Variants in CYP7B1 observed in about 807,000 individuals in gnomAD.
CYP7B1 encodes cytochrome P450 family 7 subfamily B member 1, also known as cytochrome P450 7B1.
In CYP7B1, 29 loss-of-function variants were observed where a neutral mutation model predicts 42.7. The observed-to-expected ratio is 0.68, with a 90% CI of 0.51 to 0.93. The LOEUF is 0.93. Ranked by LOEUF, CYP7B1 falls within the 40% of genes least tolerant of loss-of-function variation. CYP7B1 has a pLI of 0.00. For synonymous variants in CYP7B1, 235 were observed against 218.2 expected (o/e 1.08, Z -0.68); for missense variants, 655 against 600.5 (o/e 1.09, Z -0.95).
Position 64,763,422 on chromosome 8 carries a change from C to T in CYP7B1, c.122+35044G>A, listed in dbSNP as rs114958276. Among the ~76,000 whole-genome samples, 524 of 152,330 alleles carry T rather than the reference C, an allele frequency of 3.4e-3. 6 individuals are homozygous for T. The highest frequency in any genetic ancestry group is 0.011 in the African/African-American group (476 of 41,586). On this transcript the variant is annotated intron_variant, in intron 1 of 5. Coordinates refer to ENST00000310193, the MANE Select transcript of CYP7B1 (RefSeq NM_004820.5). ...CACCATCTTGGGAGCAGCCCGCCACCGTCTTGGGAACTCTAACAACAAAGA... is the reference window on the plus strand; with the variant it reads ...CACCATCTTGGGAGCAGCCCGCCACTGTCTTGGGAACTCTAACAACAAAGA...
intron 5 of CYP7B1, among the ~76,000 whole-genome samples, chr8:64,601,600 A>C (rs1228119654): frequency 6.6e-6 from 1 of 152,250 alleles, no homozygotes; most frequent in African/African-American, 2.4e-5. Context: ...ATATTCAGGG[A>C]AATAATAATT....
At chr8:64,586,862 T>C (rs1343402828), downstream of CYP7B1, among the ~76,000 whole-genome samples, 4 of 152,250 alleles carry the variant, frequency 2.6e-5, no homozygotes, top group Non-Finnish European at 5.9e-5. Flanking sequence ...GTCTCTGGAT[T>C]TGCCAAGCCA....
chr8:64,726,432 T>C (rs907754645), intron 1 of CYP7B1, among the ~76,000 whole-genome samples: 4 of 152,166 alleles, frequency 2.6e-5, no homozygotes, highest in Non-Finnish European at 5.9e-5. Context: ...CAAAAAGTAG[T>C]TTGAATCTCA....
At chr8:64,739,387 A>G (rs1807536653) in intron 1 of CYP7B1, among the ~76,000 whole-genome samples, 1 of 152,232 alleles carries the variant, frequency 6.6e-6, no homozygotes, top group South Asian at 2.1e-4. Flanking sequence ...ATTCCTAGCG[A>G]AGCTCAAGGA....
At chr8:64,795,295 G>A (rs1804687721) in intron 1 of CYP7B1, among the ~76,000 whole-genome samples, 2 of 152,220 alleles carry the variant, frequency 1.3e-5, no homozygotes, top group Non-Finnish European at 2.9e-5. Context: ...AACTCGGGTA[G>A]GAACTGACTA....
chr8:64,726,997 G>T (rs551679520), intron 1 of CYP7B1, among the ~76,000 whole-genome samples: 1 of 152,220 alleles, frequency 6.6e-6, no homozygotes, highest in East Asian at 1.9e-4. Flanking sequence ...AATGAGTATG[G>T]GATGAAGGAG....
In CYP7B1 at chr8:64,624,622, T is replaced by C. The variant is rs1041291035; in HGVS notation, c.123-83A>G. 6.0e-6 allele frequency: 9 copies of C among 1,508,632 alleles called. No individual in the cohort carries two copies. In the African/African-American group the frequency reaches 1.1e-4, roughly 19 times the overall value. The allele number at this position is 1,508,632 out of a possible 1,614,324, so 93.5% of individuals were successfully genotyped here. A position where few individuals can be genotyped will look rare whatever the true frequency, so the allele number is the denominator to read the frequency against. On this transcript the variant is annotated intron_variant, in intron 1 of 5. Transcript: ENST00000310193. ...GAATACAGGTGGTTTATTTACTGAATCTAGAAGGTGACTGCATGGATTGCA... is the reference window on the plus strand; with the variant it reads ...GAATACAGGTGGTTTATTTACTGAACCTAGAAGGTGACTGCATGGATTGCA...
intron 1 of CYP7B1, among the ~76,000 whole-genome samples, chr8:64,724,393 C>A (rs1007537214): frequency 1.3e-5 from 2 of 152,074 alleles, no homozygotes; most frequent in Non-Finnish European, 2.9e-5. Flanking sequence ...GTGATCCACC[C>A]GCCTCAGCCT....
intron 1 of CYP7B1, among the ~76,000 whole-genome samples, chr8:64,643,120 C>CAT (rs1554527629): frequency 1.2e-4 from 4 of 32,212 alleles, no homozygotes; most frequent in Non-Finnish European, 2.9e-4. Flanking sequence ...CATATATATA[C>CAT]ATATATACAT....
chr8:64,670,100 GA>G (rs1225384208), intron 1 of CYP7B1, among the ~76,000 whole-genome samples: 8 of 152,204 alleles, frequency 5.3e-5, no homozygotes, highest in African/African-American at 1.4e-4. Flanking sequence ...CCTAGTGGCA[GA>G]ACTCAGAGAA....
chr8:64,727,014 C>T (rs1807334939), intron 1 of CYP7B1, among the ~76,000 whole-genome samples: 1 of 152,112 alleles, frequency 6.6e-6, no homozygotes, highest in South Asian at 2.1e-4. Flanking sequence ...GGAGCATGAA[C>T]CTGCAACACA....
intron 1 of CYP7B1, among the ~76,000 whole-genome samples, chr8:64,713,546 AAG>A (rs1047210315): frequency 6.6e-6 from 1 of 152,156 alleles, no homozygotes; most frequent in Non-Finnish European, 1.5e-5. Context: ...TGAAAATATT[AAG>A]AGATGAAAAA....
intron 1 of CYP7B1, among the ~76,000 whole-genome samples, chr8:64,698,781 A>C (rs1262090483): frequency 6.6e-6 from 1 of 152,176 alleles, no homozygotes; most frequent in African/African-American, 2.4e-5. Flanking sequence ...GTTTTCATTA[A>C]AAAGAATGAC....
chr8:64,786,681 G>T (rs942705670), intron 1 of CYP7B1, among the ~76,000 whole-genome samples: 11 of 152,190 alleles, frequency 7.2e-5, no homozygotes, highest in Admixed American at 6.5e-5. Flanking sequence ...GGGGTCTGGA[G>T]GATGGTGGCC....
At chr8:64,665,473 G>A (rs975996934) in intron 1 of CYP7B1, among the ~76,000 whole-genome samples, 2 of 150,504 alleles carry the variant, frequency 1.3e-5, no homozygotes, top group Non-Finnish European at 3.0e-5. Flanking sequence ...ACATAAACTA[G>A]GCAAACTAAG....
chr8:64,681,102 G>T (rs918995209), intron 1 of CYP7B1, among the ~76,000 whole-genome samples: 1 of 152,182 alleles, frequency 6.6e-6, no homozygotes, highest in Non-Finnish European at 1.5e-5. Context: ...GTTTTAAAAT[G>T]TTTGTGGATG....
rs531944931 is a variant in CYP7B1 at position 64,709,772 on chromosome 8, C to T, written c.123-85233G>A. 4.6e-4 allele frequency among the ~76,000 whole-genome samples: 70 copies of T among 152,174 alleles called. 1 individual carries two copies. In the South Asian group the frequency reaches 0.014, roughly 31 times the overall value. On this transcript the variant is annotated intron_variant, in intron 1 of 5. Transcript: ENST00000310193. ...CAAAGGAGGAAAAAGAAAAAGAAAACATCAACTTACAAAGTACTCTCCCAG... is the reference window on the plus strand; with the variant it reads ...CAAAGGAGGAAAAAGAAAAAGAAAATATCAACTTACAAAGTACTCTCCCAG...
chr8:64,615,501 CTT>C, intron 3 of CYP7B1, among the ~76,000 whole-genome samples, 188 bp downstream of exon 3: 1 of 148,990 alleles, frequency 6.7e-6, no homozygotes, highest in South Asian at 2.1e-4. Flanking sequence ...CATTAAGTAT[CTT>C]GTTTTACCAC....
chr8:64,660,089 T>TA (rs1282622530), intron 1 of CYP7B1, among the ~76,000 whole-genome samples: 1 of 152,220 alleles, frequency 6.6e-6, no homozygotes, highest in Admixed American at 6.5e-5. Context: ...TAGCACACAT[T>TA]ATTTCAATTA....
Sources: gnomAD v4.1 joint callset for allele counts (sites outside exome capture counted in the v4.1 genomes callset) on GRCh38, gnomAD v4.1.1 for gene constraint, MANE v1.5 for transcripts, NCBI Gene and HGNC (gene_info 2026-07-23, HGNC 2026-07-21) for gene names.